The following ADCY7 variants were observed in gnomAD, a reference collection of about 807,000 sequenced individuals.
ADCY7 encodes the protein adenylate cyclase type 7.
ADCY7 carries 72 observed loss-of-function variants against 120.6 expected under a neutral mutation model. That is an observed-to-expected ratio of 0.60 (90% CI 0.49 to 0.73). ADCY7 has a LOEUF of 0.73. Among genes scored for constraint, ADCY7 ranks in the 30% least tolerant of loss-of-function variants. The pLI is 0.00. For synonymous variants in ADCY7, 661 were observed against 628.0 expected (o/e 1.05, Z -0.78); for missense variants, 1,227 against 1,486.0 (o/e 0.83, Z 2.87).
At position 50,309,663 on chromosome 16, in the gene ADCY7, C is replaced by G. The variant is rs201287861; in HGVS notation, c.2160+17C>G. The G allele has an allele frequency of 6.2e-6, 10 of 1,601,330 alleles. No individual in the cohort carries two copies. The highest frequency in any genetic ancestry group is 8.5e-6 in the Non-Finnish European group (10 of 1,177,500). ...CCCCTCCCGGTGAGTGCGCCGGGCC[C>G]GGCTCCGTGGCCTCATTCAGAGTGG... On this transcript the variant is annotated intron_variant, in intron 18 of 25. Coordinates refer to ENST00000673801, the MANE Select transcript of ADCY7 (RefSeq NM_001114.5).
At chr16:50,311,616 G>A (rs941971162) in intron 19 of ADCY7, 77 bp from the exon 20 acceptor site, 13 of 1,023,538 alleles carry the variant, frequency 1.3e-5, no homozygotes, top group Admixed American at 3.5e-5. Flanking sequence ...CTGGGTGTGC[G>A]TGGCACCTGG....
chr16:50,254,661 A>T (rs940833900), intron 1 of ADCY7, among the ~76,000 whole-genome samples: 19 of 152,236 alleles, frequency 1.2e-4, no homozygotes, highest in Non-Finnish European at 1.8e-4. Flanking sequence ...ATGTTCATGG[A>T]TTGGAAGAAT....
intron 1 of ADCY7, among the ~76,000 whole-genome samples, chr16:50,251,308 A>T (rs2150778027): frequency 6.6e-6 from 1 of 152,246 alleles, no homozygotes; most frequent in East Asian, 1.9e-4. Flanking sequence ...AAATGACATT[A>T]CTTCCCGGTA....
At chr16:50,246,096 G>C (rs557303504), upstream of ADCY7, 1 of 150,284 alleles carries the variant, frequency 6.7e-6, no homozygotes, top group South Asian at 2.1e-4. Context: ...GCGGCCAGCG[G>C]GGGGCGCCTG....
intron 1 of ADCY7, among the ~76,000 whole-genome samples, chr16:50,259,554 G>C (rs578202538): frequency 2.6e-4 from 39 of 152,286 alleles, no homozygotes; most frequent in African/African-American, 9.4e-4. Flanking sequence ...CGTCTCCCAG[G>C]CGTGGCAGAG....
chr16:50,291,654 G>A (rs1444275005), intron 3 of ADCY7, 82 bp from the exon 4 acceptor site: 1 of 1,554,574 alleles, frequency 6.4e-7, no homozygotes, highest in African/African-American at 1.4e-5. Context: ...CACTGGGTGG[G>A]CTGCTGTGGT....
In ADCY7 at chr16:50,267,789, G is replaced by A. The variant is rs375445104; in HGVS notation, c.-269+1109G>A. Among the ~76,000 whole-genome samples the A allele has an allele frequency of 3.1e-3, 478 of 152,350 alleles. 3 individuals carry two copies. Among genetic ancestry groups the A allele is most frequent in the Non-Finnish European group, 5.2e-3 (352 of 68,026 alleles). On this transcript the variant is annotated intron_variant, in intron 1 of 25. Transcript: ENST00000673801. ...TATTATTGTCTTAGACGAGGCCAAAGGAGACATAAAAGTGACAAGCCAGCC... is the reference window on the plus strand; with the variant it reads ...TATTATTGTCTTAGACGAGGCCAAAAGAGACATAAAAGTGACAAGCCAGCC...
chr16:50,285,275 C>T (rs2034511151), intron 1 of ADCY7, among the ~76,000 whole-genome samples: 1 of 152,236 alleles, frequency 6.6e-6, no homozygotes, highest in Admixed American at 6.5e-5. Context: ...GGCCTGTAGA[C>T]ACCTGCCCAG....
At chr16:50,314,531 A>C in intron 24 of ADCY7, 125 bp downstream of exon 24, 2 of 670,136 alleles carry the variant, frequency 3.0e-6, no homozygotes. Context: ...TGATCTGACA[A>C]GCTCAGCAGT....
At chr16:50,280,839 G>T (rs928369126) in intron 1 of ADCY7, among the ~76,000 whole-genome samples, 1 of 152,204 alleles carries the variant, frequency 6.6e-6, no homozygotes, top group Non-Finnish European at 1.5e-5. Flanking sequence ...CACAGGTCAG[G>T]CAAGAGACTT....
In ADCY7 at chr16:50,300,723, G is replaced by A. The variant is rs370653104; in HGVS notation, c.1085G>A (p.Arg362Gln). Residue 362 changes from arginine to glutamine, a missense_variant, in exon 9 of 26, where the codon CGG becomes CAG. Arg to Gln is a conservative substitution (Grantham distance 43). Transcript: ENST00000673801. ...LDMCQAIKQV[R>Q]EATGVDINMR... ...GGGCCACTCTGCCCCAGGCAGGTGCGGGAGGCCACGGGCGTGGACATCAAC... is the reference window on the plus strand; with the variant it reads ...GGGCCACTCTGCCCCAGGCAGGTGCAGGAGGCCACGGGCGTGGACATCAAC... 5.8e-6 allele frequency: 9 copies of A among 1,551,710 alleles called. No individual in the cohort carries two copies. In the East Asian group the frequency reaches 1.5e-4, roughly 25 times the overall value.
At position 50,256,387 on chromosome 16, in the gene ADCY7, C is replaced by A. The variant is rs1178824289; in HGVS notation, c.-64+10184C>A. 2.0e-5 allele frequency among the ~76,000 whole-genome samples: 3 copies of A among 152,116 alleles called. No homozygotes were observed. In the East Asian group the frequency reaches 5.8e-4, roughly 29 times the overall value. ...ACCACAGTGAGGTATCATCTCACAC[C>A]TGTTAGAATGGCTATTATTAAAAAG... On this transcript the variant is annotated intron_variant, in intron 1 of 4. Transcript: ENST00000564044.
At chr16:50,306,815 G>A (rs1025276785) in intron 14 of ADCY7, among the ~76,000 whole-genome samples, 3 of 152,208 alleles carry the variant, frequency 2.0e-5, no homozygotes, top group Admixed American at 2.0e-4. Context: ...CTGAAGGAGG[G>A]TGGGAAGGTT....
chr16:50,310,476 G>T, intron 18 of ADCY7: 1 of 1,536,340 alleles, frequency 6.5e-7, no homozygotes, highest in Middle Eastern at 1.7e-4. Context: ...GTTTTTTCCC[G>T]TTTAAATGAG....
chr16:50,281,816 C>CCAT (rs2034285030), intron 1 of ADCY7, among the ~76,000 whole-genome samples: 1 of 152,206 alleles, frequency 6.6e-6, no homozygotes, highest in African/African-American at 2.4e-5. Flanking sequence ...TTAGGTCAGG[C>CCAT]TTGCACTGGG....
Position 50,307,036 on chromosome 16 carries a change from C to T in ADCY7, c.1753-14C>T, listed in dbSNP as rs1253355838. ...CTGCTGGTGGCCACCCCTCACAGTC[C>T]CTGCTGCCCCCAGTACCGCCTGGCA... On this transcript the variant is annotated splice_polypyrimidine_tract_variant and intron_variant, in intron 14 of 25. Transcript: ENST00000673801. 8 of 1,602,630 alleles carry T rather than the reference C, an allele frequency of 5.0e-6. No homozygotes were observed. The highest frequency in any genetic ancestry group is 6.8e-6 in the Non-Finnish European group (8 of 1,177,758).
chr16:50,283,515 T>G (rs1436398692), intron 1 of ADCY7, among the ~76,000 whole-genome samples: 1 of 152,238 alleles, frequency 6.6e-6, no homozygotes, highest in Admixed American at 6.5e-5. Context: ...CTTTGCTGAT[T>G]GGCCACACTG....
At chr16:50,265,718 G>A (rs1005705324), upstream of ADCY7, among the ~76,000 whole-genome samples, 5 of 152,218 alleles carry the variant, frequency 3.3e-5, no homozygotes, top group African/African-American at 4.8e-5. Context: ...GTACACCATT[G>A]CTTTGAGGAG....
chr16:50,296,178 G>A (rs1186695640), intron 7 of ADCY7, among the ~76,000 whole-genome samples: 2 of 152,040 alleles, frequency 1.3e-5, no homozygotes, highest in Non-Finnish European at 2.9e-5. Context: ...TCAGCCTCCC[G>A]AGCAGCTGTG....
Sources: allele counts gnomAD v4.1 joint callset (sites outside exome capture counted in the v4.1 genomes callset), GRCh38; gene constraint gnomAD v4.1.1; transcripts MANE v1.5; gene names NCBI Gene and HGNC (gene_info 2026-07-23, HGNC 2026-07-21).